Variants in ZNF131 observed in about 807,000 individuals in gnomAD.
ZNF131 encodes the protein zinc finger protein 131.
ZNF131 carries 7 observed loss-of-function variants against 60.0 expected under a neutral mutation model. The observed-to-expected ratio is 0.12, with a 90% confidence interval of 0.07 to 0.22. ZNF131 has a LOEUF of 0.22. Ranked by LOEUF, ZNF131 falls within the 10% of genes least tolerant of loss-of-function variation. ZNF131 has a pLI of 1.00. For missense variants in ZNF131, 493 were observed against 740.9 expected (o/e 0.67, Z 3.88); for synonymous variants, 257 against 253.2 (o/e 1.01, Z -0.14).
At chr5:43,156,168 C>T (rs1346563384) in intron 4 of ZNF131, among the ~76,000 whole-genome samples, 1 of 152,144 alleles carries the variant, frequency 6.6e-6, no homozygotes, top group Non-Finnish European at 1.5e-5. Flanking sequence ...TAGAATCAGC[C>T]GTACCACAAG....
chr5:43,129,681 G>C (rs1369385267), intron 3 of ZNF131, among the ~76,000 whole-genome samples: 3 of 152,090 alleles, frequency 2.0e-5, no homozygotes, highest in Non-Finnish European at 4.4e-5. Flanking sequence ...TTGAGATGGA[G>C]TCTTGCTCTG....
At chr5:43,122,236 G>C in intron 2 of ZNF131, 59 bp downstream of exon 2, 4 of 1,513,680 alleles carry the variant, frequency 2.6e-6, no homozygotes, top group Admixed American at 2.3e-5. Flanking sequence ...TCTGTCCTTC[G>C]GACACCCGCC....
chr5:43,148,067 A>T (rs1425572965), intron 4 of ZNF131, among the ~76,000 whole-genome samples: 7 of 149,636 alleles, frequency 4.7e-5, no homozygotes, highest in Non-Finnish European at 8.9e-5. Flanking sequence ...TTTTTCTGGA[A>T]AAAAGAAAAA....
chr5:43,148,113 T>C (rs1747854318), intron 4 of ZNF131, among the ~76,000 whole-genome samples: 1 of 149,558 alleles, frequency 6.7e-6, no homozygotes, highest in Non-Finnish European at 1.5e-5. Flanking sequence ...GGCACATGCC[T>C]ATAATCCTAG....
At position 43,174,860 on chromosome 5, in the gene ZNF131, A is replaced by T. The variant is rs1450804001; in HGVS notation, c.1599A>T (p.Glu533Asp). 17 of 1,614,088 alleles carry T rather than the reference A, an allele frequency of 1.1e-5. No homozygotes were observed. Among genetic ancestry groups the T allele is most frequent in the Non-Finnish European group, 1.4e-5 (16 of 1,180,056 alleles). ...SYLEVGRIQTEEGTEVHVEEL... is the reference protein window; with the variant it reads ...SYLEVGRIQTDEGTEVHVEEL... ...TAGAAGTGGGCCGAATTCAGACTGA[A>T]GAAGGTACTGAAGTACATGTAGAGG... Residue 533 changes from glutamate to aspartate, a missense_variant, in exon 7 of 7, where the codon GAA (glutamate) becomes GAT (aspartate). By Grantham distance (45) the Glu-to-Asp change is conservative. Around this residue, in one of 7 missense-constraint regions of ZNF131, gnomAD observed 202 missense variants for 221.3 expected, o/e 0.91. Coordinates refer to ENST00000682664, the MANE Select transcript of ZNF131 (RefSeq NM_001330707.2).
intron 5 of ZNF131, among the ~76,000 whole-genome samples, chr5:43,170,326 A>G (rs561277456): frequency 9.8e-5 from 15 of 152,324 alleles, no homozygotes; most frequent in African/African-American, 3.4e-4. Context: ...TAATACATAT[A>G]GCTCAGTTAC....
At chr5:43,142,923 T>C (rs1046847264) in intron 4 of ZNF131, among the ~76,000 whole-genome samples, 16 of 152,104 alleles carry the variant, frequency 1.1e-4, no homozygotes, top group African/African-American at 3.6e-4. Flanking sequence ...CTCGAACTCC[T>C]GGGCTCAAGA....
At chr5:43,145,279 T>C (rs1055360115) in intron 4 of ZNF131, among the ~76,000 whole-genome samples, 4 of 152,320 alleles carry the variant, frequency 2.6e-5, no homozygotes, top group Middle Eastern at 3.4e-3. Flanking sequence ...TCTTGTTCTT[T>C]AATTACTCCT....
At chr5:43,142,458 C>G (rs1746976318) in intron 4 of ZNF131, among the ~76,000 whole-genome samples, 1 of 151,048 alleles carries the variant, frequency 6.6e-6, no homozygotes, top group African/African-American at 2.4e-5. Flanking sequence ...CTTCCGCCAC[C>G]ACACCCGGCT....
chr5:43,164,917 T>C (rs552634298), intron 5 of ZNF131, among the ~76,000 whole-genome samples: 16 of 152,246 alleles, frequency 1.1e-4, no homozygotes, highest in Admixed American at 3.9e-4. Context: ...TACTGGTAAT[T>C]AGTTCCAAGA....
chr5:43,122,296 A>G (rs1579685507), intron 2 of ZNF131, 119 bp downstream of exon 2: 1 of 1,245,650 alleles, frequency 8.0e-7, no homozygotes, highest in African/African-American at 1.6e-5. Flanking sequence ...TCTCCCTACC[A>G]AAGTCTGCAG....
chr5:43,149,353 C>T (rs1466326401), intron 4 of ZNF131, among the ~76,000 whole-genome samples: 1 of 152,026 alleles, frequency 6.6e-6, no homozygotes, highest in Non-Finnish European at 1.5e-5. Context: ...AAGAAATTCA[C>T]GTATATTAGT....
Position 43,175,262 on chromosome 5 carries a change from C to A in ZNF131, c.*129C>A. 1 of 970,978 alleles carries A rather than the reference C, an allele frequency of 1.0e-6. No individual in the cohort carries two copies. Among genetic ancestry groups the A allele is most frequent in the Non-Finnish European group, 1.5e-6 (1 of 666,376 alleles). The allele number at this position is 970,978 out of a possible 1,614,324, so 60.1% of individuals were successfully genotyped here. On this transcript the variant is annotated 3_prime_UTR_variant, in exon 7 of 7. Coordinates refer to ENST00000682664, the MANE Select transcript of ZNF131 (RefSeq NM_001330707.2). ...TTAAGCTGTTTCCTGTTGTGCTGAACTGTTGTCCGTTGAAACACATTGATT... is the reference window on the plus strand; with the variant it reads ...TTAAGCTGTTTCCTGTTGTGCTGAAATGTTGTCCGTTGAAACACATTGATT...
intron 4 of ZNF131, among the ~76,000 whole-genome samples, chr5:43,160,990 T>C (rs1465360036): frequency 6.6e-6 from 1 of 152,126 alleles, no homozygotes; most frequent in Non-Finnish European, 1.5e-5. Flanking sequence ...TGGCACCTTT[T>C]TTTCCCCCAT....
At chr5:43,121,958 T>G (rs963846163) in intron 1 of ZNF131, 81 bp from the exon 2 acceptor site, 23 of 1,432,346 alleles carry the variant, frequency 1.6e-5, no homozygotes, top group African/African-American at 4.4e-5. Context: ...GCTGGTTTTT[T>G]TTGTTGTTGT....
At chr5:43,139,088 G>A (rs1056147472) in intron 3 of ZNF131, 77 bp from the exon 4 acceptor site, 18 of 1,228,710 alleles carry the variant, frequency 1.5e-5, no homozygotes, top group Non-Finnish European at 1.9e-5. Flanking sequence ...CCAAGCCCTG[G>A]GCTTTTCTTT....
At chr5:43,121,930 C>A in intron 1 of ZNF131, 109 bp from the exon 2 acceptor site, 12 of 1,212,250 alleles carry the variant, frequency 9.9e-6, no homozygotes, top group Non-Finnish European at 1.1e-5. Context: ...CTTCACCCTC[C>A]CCCCTTCTTT....
chr5:43,136,526 G>A (rs959374938), intron 3 of ZNF131, among the ~76,000 whole-genome samples: 1 of 109,276 alleles, frequency 9.2e-6, no homozygotes, highest in Non-Finnish European at 1.7e-5. Context: ...TTACTGTGTT[G>A]CCCAGGCTGA....
chr5:43,148,975 T>C (rs1021573171), intron 4 of ZNF131, among the ~76,000 whole-genome samples: 1 of 152,220 alleles, frequency 6.6e-6, no homozygotes, highest in African/African-American at 2.4e-5. Context: ...TTCTTTCACT[T>C]GCCATAATTA....
Sources: gnomAD v4.1 joint callset for allele counts (sites outside exome capture counted in the v4.1 genomes callset) on GRCh38, gnomAD v4.1.1 for gene constraint, gnomAD v4.1.1 regional missense constraint, MANE v1.5 for transcripts, NCBI Gene and HGNC (gene_info 2026-07-23, HGNC 2026-07-21) for gene names.